Variants in MPC1 observed in about 807,000 individuals in gnomAD.
The protein encoded by MPC1 is mitochondrial pyruvate carrier 1.
A neutral mutation model predicts 13.9 loss-of-function variants in MPC1; 6 were observed. The ratio of observed to expected loss-of-function variants is 0.43; its 90% CI spans 0.24 to 0.85. MPC1 has a LOEUF of 0.85. Among genes scored for constraint, MPC1 ranks in the 40% least tolerant of loss-of-function variants. MPC1 has a pLI of 0.24. For synonymous variants in MPC1, 47 were observed against 50.5 expected, an observed-to-expected ratio of 0.93 and a Z score of 0.29; for missense variants, 115 against 143.3, an observed-to-expected ratio of 0.80 and a Z score of 1.01.
rs1366423111 is a variant in MPC1 at position 166,365,901 on chromosome 6, A to G, written c.305+73T>C. ...TCCAGTCCCGCAGCACTCCCTCAGA[A>G]AAGATTTTAGTTTCACTCTCCCCAA... is the stretch of plus-strand genomic sequence containing the variant. On this transcript the variant is annotated intron_variant, in intron 4 of 4. Transcript: ENST00000360961. The surrounding 1 kb of genome is among the most constrained non-coding windows in gnomAD (Gnocchi z 4.2). 6.4e-7 allele frequency: 1 copy of G among 1,572,136 alleles called. No homozygotes were observed. The highest frequency in any genetic ancestry group is 1.2e-5 in the South Asian group (1 of 85,956).
At chr6:166,371,185 C>T (rs1779367087) in intron 1 of MPC1, among the ~76,000 whole-genome samples, 1 of 152,144 alleles carries the variant, frequency 6.6e-6, no homozygotes, top group African/African-American at 2.4e-5. Context: ...ATGAAACTTT[C>T]CCTTCTGCTT....
chr6:166,379,018 T>A (rs1449764351), intron 1 of MPC1, among the ~76,000 whole-genome samples: 2 of 152,196 alleles, frequency 1.3e-5, no homozygotes, highest in Non-Finnish European at 2.9e-5. Context: ...TCAATAATTA[T>A]TTAATATTAT....
intron 1 of MPC1, chr6:166,381,863 T>G: frequency 1.0e-6 from 1 of 973,930 alleles, no homozygotes. Context: ...AAGCTTAAAG[T>G]CCTTAGAATG....
At chr6:166,367,085 T>C in intron 2 of MPC1, 194 bp from the exon 3 acceptor site, 1 of 1,441,038 alleles carries the variant, frequency 6.9e-7, no homozygotes, top group Non-Finnish European at 9.2e-7. Flanking sequence ...CCTGTAGGAA[T>C]CAGCAGTTCT....
intron 1 of MPC1, among the ~76,000 whole-genome samples, chr6:166,381,193 C>T (rs1052307193): frequency 6.6e-6 from 1 of 152,160 alleles, no homozygotes; most frequent in Non-Finnish European, 1.5e-5. Context: ...TTTTTACTAC[C>T]ATTAATCTGA....
chr6:166,367,143 C>T lies in MPC1; in HGVS notation c.76-252G>A, dbSNP rs1196689767. On this transcript the variant is annotated intron_variant, in intron 2 of 4. Coordinates refer to ENST00000360961, the MANE Select transcript of MPC1 (RefSeq NM_016098.4). ...AAGGGTTTGGCAGCTTCCCAAGGTCCCTACTGGTTTCCACACTACAACCAA... is the reference window on the plus strand; with the variant it reads ...AAGGGTTTGGCAGCTTCCCAAGGTCTCTACTGGTTTCCACACTACAACCAA... The T allele has an allele frequency of 9.2e-6, 12 of 1,308,676 alleles. No individual in the cohort carries two copies. In the East Asian group the frequency reaches 3.3e-4, roughly 36 times the overall value. 81.1% of individuals were successfully genotyped at this position (1,308,676 alleles called of 1,614,324 possible).
intron 1 of MPC1, among the ~76,000 whole-genome samples, chr6:166,372,969 T>C (rs1779433094): frequency 6.6e-6 from 1 of 152,198 alleles, no homozygotes; most frequent in Admixed American, 6.5e-5. Flanking sequence ...AAAAATTAAG[T>C]ATTCTGTTTT....
rs1004104828 is a variant in MPC1, at chr6:166,365,862, G to A, written c.305+112C>T. ...AAGTTGTTTCCCCAACTGCTAAAGCGCATCTATACACACTCCAGTCCCGCA... is the reference window on the plus strand; with the variant it reads ...AAGTTGTTTCCCCAACTGCTAAAGCACATCTATACACACTCCAGTCCCGCA... On this transcript the variant is annotated intron_variant, in intron 4 of 4. Coordinates refer to ENST00000360961, the MANE Select transcript of MPC1 (RefSeq NM_016098.4). The surrounding 1 kb of genome is among the most constrained non-coding windows in gnomAD (Gnocchi z 4.2). 2.0e-5 allele frequency: 27 copies of A among 1,337,850 alleles called. No individual in the cohort carries two copies. The highest frequency in any genetic ancestry group is 1.2e-4 in the African/African-American group (8 of 68,428). The allele number at this position is 1,337,850 out of a possible 1,614,324, so 82.9% of individuals were successfully genotyped here.
chr6:166,378,069 G>A (rs1165040312), intron 1 of MPC1, among the ~76,000 whole-genome samples: 1 of 152,218 alleles, frequency 6.6e-6, no homozygotes, highest in Non-Finnish European at 1.5e-5. Context: ...TTGGTATCCA[G>A]AGGTTCTGAA....
At chr6:166,370,161 C>A in intron 2 of MPC1, 57 bp downstream of exon 2, 1 of 781,000 alleles carries the variant, frequency 1.3e-6, no homozygotes, top group Non-Finnish European at 2.4e-6. Flanking sequence ...TTACCCCTAA[C>A]TCTGTTAATG....
intron 2 of MPC1, 129 bp from the exon 3 acceptor site, chr6:166,367,020 A>G (rs1779184669): frequency 2.0e-6 from 3 of 1,536,528 alleles, no homozygotes; most frequent in Non-Finnish European, 2.6e-6. Context: ...TCCATCTTGC[A>G]GGTTTACTGG....
chr6:166,367,098 C>T, intron 2 of MPC1: 1 of 1,406,380 alleles, frequency 7.1e-7, no homozygotes, highest in Non-Finnish European at 9.3e-7. Flanking sequence ...GCAGTTCTTA[C>T]AGCTGAGCCC....
At chr6:166,379,566 T>G (rs1779690289) in intron 1 of MPC1, among the ~76,000 whole-genome samples, 1 of 152,170 alleles carries the variant, frequency 6.6e-6, no homozygotes, top group African/African-American at 2.4e-5. Flanking sequence ...ATGATTGAAA[T>G]AAATTTATAA....
intron 1 of MPC1, among the ~76,000 whole-genome samples, chr6:166,374,824 C>T (rs58106573): frequency 0.026 from 3,948 of 152,268 alleles, 153 homozygotes; most frequent in African/African-American, 0.089. Flanking sequence ...GCCAGTACCA[C>T]GCTGTCTGGA....
intron 2 of MPC1, among the ~76,000 whole-genome samples, chr6:166,367,568 A>G (rs376185204): frequency 3.9e-4 from 59 of 152,224 alleles, no homozygotes; most frequent in African/African-American, 1.1e-3. Flanking sequence ...TTCCACAACT[A>G]CACTCATCCA....
intron 1 of MPC1, among the ~76,000 whole-genome samples, chr6:166,375,450 C>CTTTTTTTT (rs34879281): frequency 2.4e-5 from 3 of 127,232 alleles, no homozygotes; most frequent in Admixed American, 7.8e-5. Flanking sequence ...TTCTAATTTG[C>CTTTTTTTT]TTTTTTTTTT....
intron 1 of MPC1, among the ~76,000 whole-genome samples, chr6:166,378,337 C>T (rs949389030): frequency 6.6e-6 from 1 of 152,140 alleles, no homozygotes; most frequent in African/African-American, 2.4e-5. Context: ...CATAAGCATA[C>T]TAAGTGATTA....
intron 1 of MPC1, among the ~76,000 whole-genome samples, chr6:166,370,918 A>G (rs1779357246): frequency 6.6e-6 from 1 of 152,242 alleles, no homozygotes. Flanking sequence ...TATGTATGCA[A>G]AAAACATTTT....
intron 3 of MPC1, among the ~76,000 whole-genome samples, chr6:166,366,591 A>G (rs574438283): frequency 1.0e-3 from 158 of 152,368 alleles, no homozygotes; most frequent in African/African-American, 3.7e-3. Context: ...TGAAAGGCAA[A>G]TAAGATGTTA....
Sources: allele counts gnomAD v4.1 joint callset (sites outside exome capture counted in the v4.1 genomes callset), GRCh38; gene constraint gnomAD v4.1.1; non-coding constraint Gnocchi (gnomAD v3.1); transcripts MANE v1.5; gene names NCBI Gene and HGNC (gene_info 2026-07-23, HGNC 2026-07-21).